RNF111: variants seen among roughly 807,000 people sequenced by gnomAD.
RNF111 encodes ring finger protein 111, also known as E3 ubiquitin-protein ligase Arkadia.
A neutral mutation model predicts 95.1 loss-of-function variants in RNF111; 17 were observed. That is an observed-to-expected ratio of 0.18 (90% CI 0.12 to 0.27). The LOEUF is 0.27. Ranked by LOEUF, RNF111 falls within the 10% of genes least tolerant of loss-of-function variation. The probability of loss-of-function intolerance (pLI) is 1.00; values close to 1 mark genes in which losing one functional copy is unlikely to be tolerated. For synonymous variants in RNF111, 440 were observed against 414.8 expected, an observed-to-expected ratio of 1.06 and a Z score of -0.74; for missense variants, 1,189 against 1,210.4, an observed-to-expected ratio of 0.98 and a Z score of 0.26.
chr15:59,087,340 A>G (rs993844814), intron 10 of RNF111, among the ~76,000 whole-genome samples: 1 of 152,212 alleles, frequency 6.6e-6, no homozygotes, highest in African/African-American at 2.4e-5. Flanking sequence ...TGAGAAACAC[A>G]GTTAAAATAA....
At chr15:59,005,138 T>C (rs2039481789) in intron 1 of RNF111, among the ~76,000 whole-genome samples, 2 of 152,210 alleles carry the variant, frequency 1.3e-5, no homozygotes, top group Admixed American at 6.5e-5. Flanking sequence ...CATTAAAGTG[T>C]CAGTAAGTCT....
At chr15:59,038,824 G>T (rs1364766384) in intron 2 of RNF111, among the ~76,000 whole-genome samples, 1 of 152,090 alleles carries the variant, frequency 6.6e-6, no homozygotes, top group Non-Finnish European at 1.5e-5. Context: ...TTTCTGTTGC[G>T]TCACAAATTG....
At chr15:59,039,888 T>G (rs147202432) in intron 2 of RNF111, among the ~76,000 whole-genome samples, 213 of 152,094 alleles carry the variant, frequency 1.4e-3, no homozygotes, top group African/African-American at 4.5e-3. Flanking sequence ...AGCTAATTTT[T>G]TGTGTTTTAG....
chr15:59,082,978 AAT>A (rs1223479653), intron 8 of RNF111, among the ~76,000 whole-genome samples: 14 of 152,176 alleles, frequency 9.2e-5, no homozygotes, highest in African/African-American at 3.4e-4. Context: ...AATATAAAAT[AAT>A]TAGACTATAA....
chr15:59,048,079 A>G (rs1294623859), intron 2 of RNF111, among the ~76,000 whole-genome samples: 18 of 152,172 alleles, frequency 1.2e-4, no homozygotes, highest in Admixed American at 7.2e-4. Context: ...CAAATTTACC[A>G]TAGAACCTAG....
rs752066882 is a variant in RNF111, at chr15:59,091,036, G to T, written c.2644-23G>T. Reference sequence around the variant, plus strand: ...GGAATAATCATCTTGGCTTTTACCAGTCATTATATTCTTCACTTTCAGGAA... The same window carrying T: ...GGAATAATCATCTTGGCTTTTACCATTCATTATATTCTTCACTTTCAGGAA... On this transcript the variant is annotated intron_variant, in intron 11 of 13. Coordinates refer to ENST00000348370, the MANE Select transcript of RNF111 (RefSeq NM_017610.8). 8.4e-6 allele frequency: 12 copies of T among 1,428,490 alleles called. No homozygotes were observed. In the Admixed American group the frequency reaches 1.5e-4, roughly 18 times the overall value. The allele number at this position is 1,428,490 out of a possible 1,614,324, so 88.5% of individuals were successfully genotyped here. A position where few individuals can be genotyped will look rare whatever the true frequency, so the allele number is the denominator to read the frequency against.
At chr15:59,080,459 A>G (rs2078707795) in intron 7 of RNF111, among the ~76,000 whole-genome samples, 1 of 152,140 alleles carries the variant, frequency 6.6e-6, no homozygotes, top group Admixed American at 6.6e-5. Context: ...TAATTATGGC[A>G]ACCTTTTGGA....
chr15:59,015,294 A>G (rs777546844), intron 1 of RNF111, among the ~76,000 whole-genome samples: 11 of 152,122 alleles, frequency 7.2e-5, no homozygotes, highest in Non-Finnish European at 1.5e-4. Context: ...TGTTAGAGAT[A>G]TTGTCATGTT....
chr15:59,073,358 G>A (rs1451367600), intron 6 of RNF111, among the ~76,000 whole-genome samples: 1 of 151,944 alleles, frequency 6.6e-6, no homozygotes, highest in Non-Finnish European at 1.5e-5. Flanking sequence ...GCATGCACCT[G>A]TAATCCCAGC....
chr15:59,060,131 TCAAG>T (rs2042370594), intron 5 of RNF111, among the ~76,000 whole-genome samples: 1 of 152,098 alleles, frequency 6.6e-6, no homozygotes, highest in African/African-American at 2.4e-5. Flanking sequence ...CCTCAGTCTC[TCAAG>T]TAGCTAGGAC....
At chr15:59,067,457 G>A (rs2042715555) in intron 6 of RNF111, among the ~76,000 whole-genome samples, 1 of 151,798 alleles carries the variant, frequency 6.6e-6, no homozygotes, top group South Asian at 2.1e-4. Flanking sequence ...TTTAATTGTG[G>A]TGGCTTTGGG....
chr15:59,019,199 A>T (rs1319436881), intron 1 of RNF111, among the ~76,000 whole-genome samples: 1 of 151,172 alleles, frequency 6.6e-6, no homozygotes, highest in Non-Finnish European at 1.5e-5. Flanking sequence ...TTGGCCTCAC[A>T]AAGTGCTGGG....
chr15:59,032,775 T>C (rs2141782089), intron 2 of RNF111, among the ~76,000 whole-genome samples: 1 of 152,322 alleles, frequency 6.6e-6, no homozygotes, highest in African/African-American at 2.4e-5. Flanking sequence ...ATTCTAATAC[T>C]AGGACCCAGA....
rs2079146423 is a variant in RNF111, at chr15:59,094,707, T to G, written c.2844-76T>G. On this transcript the variant is annotated intron_variant, in intron 13 of 13. Coordinates refer to ENST00000348370, the MANE Select transcript of RNF111 (RefSeq NM_017610.8). ...GTACCTTCAAAACATTATTGAATTA[T>G]TACATATATAATTTGTTAACTACGT... is the stretch of plus-strand genomic sequence containing the variant. The G allele has an allele frequency of 6.1e-6, 5 of 821,576 alleles. No homozygotes were observed. In the East Asian group the frequency reaches 1.3e-4, roughly 21 times the overall value. The allele number at this position is 821,576 out of a possible 1,614,324, so 50.9% of individuals were successfully genotyped here.
At chr15:58,994,733 C>T (rs1480285804) in intron 1 of RNF111, among the ~76,000 whole-genome samples, 2 of 152,122 alleles carry the variant, frequency 1.3e-5, no homozygotes, top group Non-Finnish European at 2.9e-5. Flanking sequence ...CTACTTCAGC[C>T]TCCCAAAGTG....
chr15:59,067,135 C>G (rs1452628670), intron 6 of RNF111, 52 bp downstream of exon 6: 2 of 1,402,930 alleles, frequency 1.4e-6, no homozygotes, highest in South Asian at 1.3e-5. Context: ...GTCTCTCTCT[C>G]TCTCTCCTTC....
intron 1 of RNF111, among the ~76,000 whole-genome samples, chr15:59,026,741 A>C (rs2040629243): frequency 6.6e-6 from 1 of 152,146 alleles, no homozygotes; most frequent in Non-Finnish European, 1.5e-5. Context: ...AATTTAGAAC[A>C]TGATACAATA....
At chr15:58,992,709 A>G (rs1275951095) in intron 1 of RNF111, among the ~76,000 whole-genome samples, 2 of 151,888 alleles carry the variant, frequency 1.3e-5, no homozygotes, top group Non-Finnish European at 2.9e-5. Flanking sequence ...AGTCCCAGCT[A>G]CTCGGGAGGC....
intron 9 of RNF111, among the ~76,000 whole-genome samples, chr15:59,085,179 A>T (rs142110775): frequency 1.8e-3 from 273 of 152,338 alleles, no homozygotes; most frequent in African/African-American, 6.3e-3. Flanking sequence ...AGCATATAAC[A>T]GTTTTACCCC....
Sources: gnomAD v4.1 joint callset for allele counts (sites outside exome capture counted in the v4.1 genomes callset) on GRCh38, gnomAD v4.1.1 for gene constraint, MANE v1.5 for transcripts, NCBI Gene and HGNC (gene_info 2026-07-23, HGNC 2026-07-21) for gene names.